The following ARB2A variants were observed in gnomAD, a reference collection of about 807,000 sequenced individuals.
The protein encoded by ARB2A is ARB2 cotranscriptional regulator A, also known as cotranscriptional regulator ARB2A.
the ARB2A span, among the ~76,000 whole-genome samples, chr5:93,685,253 G>A: frequency 5.3e-4 from 80 of 152,162 alleles, 1 homozygote; most frequent in Middle Eastern, 0.01. Flanking sequence ...TTATATTTAA[G>A]GCTTATATTA....
At chr5:93,971,569 AAAAT>A in the ARB2A span, among the ~76,000 whole-genome samples, 4,824 of 139,312 alleles carry the variant, frequency 0.035, 132 homozygotes, top group African/African-American at 0.066. Context: ...CTCCGTCTCA[AAAAT>A]AAATAAATAA....
At chr5:94,099,220 A>C in the ARB2A span, among the ~76,000 whole-genome samples, 1 of 152,214 alleles carries the variant, frequency 6.6e-6, no homozygotes, top group Admixed American at 6.5e-5. Flanking sequence ...TTGATGCAAA[A>C]ATCCTCAACA....
At chr5:94,084,234 A>G in the ARB2A span, among the ~76,000 whole-genome samples, 20 of 147,994 alleles carry the variant, frequency 1.4e-4, no homozygotes, top group Admixed American at 1.3e-3. Flanking sequence ...AGATTGCACT[A>G]CTGCGCTCCA....
At chr5:93,792,047 CTGTT>C in the ARB2A span, among the ~76,000 whole-genome samples, 12 of 151,936 alleles carry the variant, frequency 7.9e-5, no homozygotes, top group Non-Finnish European at 1.5e-4. Flanking sequence ...GGGAAGGCGA[CTGTT>C]TGAAAAACTT....
the ARB2A span, among the ~76,000 whole-genome samples, chr5:93,720,492 T>C: frequency 6.6e-6 from 1 of 152,214 alleles, no homozygotes; most frequent in Non-Finnish European, 1.5e-5. Flanking sequence ...ATGCTATTTA[T>C]TCAGTCTCAA....
the ARB2A span, among the ~76,000 whole-genome samples, chr5:93,839,454 T>A: frequency 6.6e-6 from 1 of 152,166 alleles, no homozygotes; most frequent in Non-Finnish European, 1.5e-5. Flanking sequence ...GATTTTTGCA[T>A]CTATGTTCAT....
At chr5:93,728,084 C>T in the ARB2A span, among the ~76,000 whole-genome samples, 1 of 151,868 alleles carries the variant, frequency 6.6e-6, no homozygotes, top group Non-Finnish European at 1.5e-5. Flanking sequence ...TATATATATA[C>T]GGTTTTCTCA....
At chr5:93,786,505 C>T in the ARB2A span, among the ~76,000 whole-genome samples, 3 of 152,184 alleles carry the variant, frequency 2.0e-5, no homozygotes, top group Non-Finnish European at 4.4e-5. Context: ...TTTATTATTA[C>T]AGGTGAGGAA....
chr5:94,068,141 G>T, the ARB2A span, among the ~76,000 whole-genome samples: 1 of 152,162 alleles, frequency 6.6e-6, no homozygotes, highest in African/African-American at 2.4e-5. Context: ...CTGACCTGGG[G>T]TTCCTGGCCT....
At chr5:94,091,105 A>G in the ARB2A span, among the ~76,000 whole-genome samples, 1 of 152,352 alleles carries the variant, frequency 6.6e-6, no homozygotes. Flanking sequence ...GTGGACGCGC[A>G]AGACAGAAAC....
At chr5:93,948,661 T>G in the ARB2A span, among the ~76,000 whole-genome samples, 1 of 152,210 alleles carries the variant, frequency 6.6e-6, no homozygotes, top group Non-Finnish European at 1.5e-5. Context: ...TTTAAGTCTT[T>G]AATCCATCTT....
chr5:93,776,211 T>C, the ARB2A span: 39 of 1,612,274 alleles, frequency 2.4e-5, no homozygotes, highest in Non-Finnish European at 3.3e-5. Flanking sequence ...ATGTGTCTAA[T>C]GGTTCTGAGC....
the ARB2A span, among the ~76,000 whole-genome samples, chr5:93,799,587 T>G: frequency 6.6e-6 from 1 of 152,136 alleles, no homozygotes. Flanking sequence ...AAATTAACTT[T>G]TTATAGCCAA....
At chr5:94,111,692 A>T in the ARB2A span, 1 of 152,266 alleles carries the variant, frequency 6.6e-6, no homozygotes, top group African/African-American at 2.4e-5. Context: ...TACGCACTTG[A>T]CGGCAGCGGC....
chr5:93,715,912 G>T, the ARB2A span, among the ~76,000 whole-genome samples: 1 of 152,256 alleles, frequency 6.6e-6, no homozygotes, highest in African/African-American at 2.4e-5. Context: ...ACACTTCCTA[G>T]CTTTAGACAG....
At chr5:93,744,434 C>CAAAAAAAAAAAAAAAAAAAA in the ARB2A span, among the ~76,000 whole-genome samples, 5 of 14,536 alleles carry the variant, frequency 3.4e-4, 2 homozygotes, top group African/African-American at 7.1e-4. Flanking sequence ...GACTCAGTCT[C>CAAAAAAAAAAAAAAAAAAAA]AAAAAAAAAA....
the ARB2A span, among the ~76,000 whole-genome samples, chr5:93,802,415 G>A: frequency 6.6e-6 from 1 of 151,904 alleles, no homozygotes; most frequent in Non-Finnish European, 1.5e-5. Context: ...GGAGGACTGG[G>A]TATGTATGTA....
the ARB2A span, among the ~76,000 whole-genome samples, chr5:93,723,549 G>A: frequency 6.6e-6 from 1 of 152,108 alleles, no homozygotes; most frequent in Non-Finnish European, 1.5e-5. Flanking sequence ...AAAGGAAGCT[G>A]TAAAAATAAG....
At chr5:93,963,317 G>A in the ARB2A span, among the ~76,000 whole-genome samples, 1 of 151,904 alleles carries the variant, frequency 6.6e-6, no homozygotes, top group African/African-American at 2.4e-5. Flanking sequence ...TGTAAAGGAA[G>A]AAAAATTTCC....
Sources: allele counts gnomAD v4.1 joint callset (sites outside exome capture counted in the v4.1 genomes callset), GRCh38; gene constraint gnomAD v4.1.1; transcripts MANE v1.5; gene names NCBI Gene and HGNC (gene_info 2026-07-23, HGNC 2026-07-21).